The following UGGT2 variants were observed in gnomAD, a reference collection of about 807,000 sequenced individuals.
The protein encoded by UGGT2 is UDP-glucose glycoprotein glucosyltransferase 2.
Under a neutral mutation model 192.1 loss-of-function variants are expected in UGGT2, and 180 were observed. That is an observed-to-expected ratio of 0.94 (90% CI 0.83 to 1.06). The LOEUF (loss-of-function observed/expected upper bound fraction) is 1.06. UGGT2 is among the 50% of genes least tolerant of loss of function. The pLI is 0.00. For synonymous variants in UGGT2, 580 were observed against 591.0 expected, an observed-to-expected ratio of 0.98 and a Z score of 0.27; for missense variants, 1,849 against 1,795.7, an observed-to-expected ratio of 1.03 and a Z score of -0.54.
chr13:96,015,854 C>T (rs369549946), intron 4 of UGGT2, among the ~76,000 whole-genome samples: 4 of 152,106 alleles, frequency 2.6e-5, no homozygotes, highest in East Asian at 1.9e-4. Flanking sequence ...ATATATACAC[C>T]GCAAGGAGTG....
intron 7 of UGGT2, among the ~76,000 whole-genome samples, chr13:95,993,816 TTTAA>T (rs1566804832): frequency 3.3e-5 from 5 of 152,140 alleles, no homozygotes. Context: ...AAAATATTTC[TTTAA>T]TTAATTTTGC....
intron 27 of UGGT2, among the ~76,000 whole-genome samples, chr13:95,879,889 G>A (rs910444090): frequency 1.3e-5 from 2 of 152,044 alleles, no homozygotes; most frequent in African/African-American, 2.4e-5. Context: ...CCTTGAGAAT[G>A]TATTAATTTT....
At chr13:95,919,268 T>C (rs1594325989) in intron 20 of UGGT2, among the ~76,000 whole-genome samples, 1 of 152,174 alleles carries the variant, frequency 6.6e-6, no homozygotes, top group East Asian at 1.9e-4. Context: ...TCATACTGAA[T>C]GGGCAAAAGC....
chr13:95,864,498 A>C (rs911718775), intron 30 of UGGT2, among the ~76,000 whole-genome samples: 1 of 152,182 alleles, frequency 6.6e-6, no homozygotes, highest in Non-Finnish European at 1.5e-5. Context: ...GTTTCCTCCT[A>C]TGGCCACTGT....
At chr13:96,044,517 T>C (rs1390413938) in intron 1 of UGGT2, among the ~76,000 whole-genome samples, 1 of 151,834 alleles carries the variant, frequency 6.6e-6, no homozygotes, top group Non-Finnish European at 1.5e-5. Context: ...CAGAACTAAA[T>C]GAAATTGAAA....
intron 19 of UGGT2, among the ~76,000 whole-genome samples, chr13:95,926,294 G>T (rs1318060162): frequency 6.6e-6 from 1 of 152,044 alleles, no homozygotes; most frequent in African/African-American, 2.4e-5. Context: ...ACAAGAACTG[G>T]TTGTGTGGCC....
chr13:95,812,114 C>A (rs1228711190), intron 38 of UGGT2, among the ~76,000 whole-genome samples: 1 of 152,088 alleles, frequency 6.6e-6, no homozygotes, highest in East Asian at 1.9e-4. Context: ...GTAATCTCCA[C>A]CAAAACTATG....
At position 95,927,047 on chromosome 13, in the gene UGGT2, C is replaced by T. The variant is rs1488271526; in HGVS notation, c.2181G>A (p.Met727Ile). ...TATTACCGTCTTGGGTTAAATAATACATGTTCTTTGCAATTACAGCACTCT... is the reference window on the plus strand; with the variant it reads ...TATTACCGTCTTGGGTTAAATAATATATGTTCTTTGCAATTACAGCACTCT... The part of the protein sequence containing the change: ...QDKSAVIAKN[M>I]YYLTQDDESI... The change falls in exon 19 of 39, where the codon ATG becomes ATA. Residue 727 changes from methionine (M) to isoleucine (I), a missense_variant. By Grantham distance (10) the Met-to-Ile change is conservative. Coordinates refer to ENST00000376747, the MANE Select transcript of UGGT2 (RefSeq NM_020121.4). 2 of 1,607,898 alleles carry T rather than the reference C, an allele frequency of 1.2e-6. No homozygotes were observed. Among genetic ancestry groups the T allele is most frequent in the Admixed American group, 1.7e-5 (1 of 58,598 alleles).
chr13:95,989,993 A>G lies in UGGT2; in HGVS notation c.911T>C (p.Leu304Ser), dbSNP rs762565395. ...TATACCTTGTAGTTCCCAGACTTTCAAAGGCATCATTTGTTTGTTACTCTC... is the reference window on the plus strand; with the variant it reads ...TATACCTTGTAGTTCCCAGACTTTCGAAGGCATCATTTGTTTGTTACTCTC... ...LIESNKQMMP[L>S]KVWELQDLSF... The change falls in exon 8 of 39, where the codon TTG (leucine) becomes TCG (serine). Residue 304 changes from leucine (L) to serine (S), a missense_variant. By Grantham distance (145) the Leu-to-Ser change is moderately radical. Coordinates refer to ENST00000376747, the MANE Select transcript of UGGT2 (RefSeq NM_020121.4). 6.2e-7 allele frequency: 1 copy of G among 1,607,718 alleles called. No individual in the cohort carries two copies. The highest frequency in any genetic ancestry group is 8.5e-7 in the Non-Finnish European group (1 of 1,176,676).
At position 95,936,950 on chromosome 13, in the gene UGGT2, C is replaced by G. The variant is rs756870899; in HGVS notation, c.1951G>C (p.Val651Leu). Residue 651 changes from valine to leucine, a missense_variant, in exon 17 of 39, where the codon GTA becomes CTA. Coordinates refer to ENST00000376747, the MANE Select transcript of UGGT2 (RefSeq NM_020121.4). ...AAAAAAACTTCTCTTTGTAAATATACAGATGCATCCATCATTCTTTGAAGA... is the reference window on the plus strand; with the variant it reads ...AAAAAAACTTCTCTTTGTAAATATAGAGATGCATCCATCATTCTTTGAAGA... ...AVLQRMMDASVYLQREVFLGT... is the reference protein window; with the variant it reads ...AVLQRMMDASLYLQREVFLGT... 34 of 1,584,718 alleles carry G rather than the reference C, an allele frequency of 2.1e-5. No homozygotes were observed. The highest frequency in any genetic ancestry group is 2.7e-5 in the African/African-American group (2 of 72,782).
At chr13:96,015,898 G>T (rs955144010) in intron 4 of UGGT2, among the ~76,000 whole-genome samples, 2 of 152,130 alleles carry the variant, frequency 1.3e-5, no homozygotes, top group African/African-American at 4.8e-5. Context: ...TTTCATTACG[G>T]TATCACTCAC....
At chr13:95,911,285 C>T (rs1201319558) in intron 20 of UGGT2, among the ~76,000 whole-genome samples, 1 of 152,030 alleles carries the variant, frequency 6.6e-6, no homozygotes, top group Non-Finnish European at 1.5e-5. Context: ...TTCAAAAAAT[C>T]AATGAATCCA....
intron 1 of UGGT2, among the ~76,000 whole-genome samples, chr13:96,048,547 G>C (rs188679247): frequency 5.6e-5 from 8 of 143,618 alleles, no homozygotes; most frequent in Admixed American, 5.4e-4. Flanking sequence ...ATGAATTCAG[G>C]AGCTGGTTTT....
chr13:95,867,230 G>T, intron 30 of UGGT2, 109 bp downstream of exon 30: 17 of 947,104 alleles, frequency 1.8e-5, no homozygotes, highest in East Asian at 8.9e-5. Flanking sequence ...AACATTTTAG[G>T]TTGTAAAATT....
intron 12 of UGGT2, among the ~76,000 whole-genome samples, chr13:95,967,652 T>G (rs9556515): frequency 0.36 from 55,033 of 151,352 alleles, 10,293 homozygotes; most frequent in Middle Eastern, 0.42. Context: ...TTTTGTACAT[T>G]TAGTAGAGAC....
At chr13:95,924,239 T>C (rs2048941146) in intron 20 of UGGT2, among the ~76,000 whole-genome samples, 1 of 151,922 alleles carries the variant, frequency 6.6e-6, no homozygotes, top group Non-Finnish European at 1.5e-5. Flanking sequence ...AAGAAGCAAC[T>C]AAATCAAGAG....
At chr13:95,881,913 C>CTTTT (rs71113958) in intron 27 of UGGT2, among the ~76,000 whole-genome samples, 1 of 144,294 alleles carries the variant, frequency 6.9e-6, no homozygotes. Context: ...TCACTTTTAG[C>CTTTT]TTTTTTTTTT....
chr13:95,915,654 C>T (rs373288884), intron 20 of UGGT2, among the ~76,000 whole-genome samples: 1 of 152,202 alleles, frequency 6.6e-6, no homozygotes, highest in Non-Finnish European at 1.5e-5. Context: ...ACAGGGCTTC[C>T]GGGGGAGGGT....
intron 2 of UGGT2, among the ~76,000 whole-genome samples, chr13:96,026,458 A>C: frequency 6.6e-6 from 1 of 152,026 alleles, no homozygotes; most frequent in Non-Finnish European, 1.5e-5. Context: ...TTAAGCTATA[A>C]ACCATGAAGG....
Sources: gnomAD v4.1 joint callset for allele counts (sites outside exome capture counted in the v4.1 genomes callset) on GRCh38, gnomAD v4.1.1 for gene constraint, MANE v1.5 for transcripts, NCBI Gene and HGNC (gene_info 2026-07-23, HGNC 2026-07-21) for gene names.